TTN: variants seen among roughly 807,000 people sequenced by gnomAD.
TTN encodes the protein titin.
A neutral mutation model predicts 3,223.0 loss-of-function variants in TTN; 1,525 were observed. The ratio of observed to expected loss-of-function variants is 0.47; its 90% CI spans 0.45 to 0.49. The LOEUF is 0.49. Among genes scored for constraint, TTN ranks in the 20% least tolerant of loss-of-function variants. TTN has a pLI of 0.00. For synonymous variants in TTN, 14,094 were observed against 15,161.0 expected, an observed-to-expected ratio of 0.93 and a Z score of 5.17; for missense variants, 40,786 against 43,424.0, an observed-to-expected ratio of 0.94 and a Z score of 5.40.
intron 354 of TTN, chr2:178,538,218 G>T: frequency 2.2e-6 from 1 of 463,830 alleles, no homozygotes. Context: ...TAGTATTCTT[G>T]CCCTTACTTA....
At chr2:178,747,879 G>C in intron 47 of TTN, 1 of 1,613,070 alleles carries the variant, frequency 6.2e-7, no homozygotes, top group South Asian at 1.1e-5. Context: ...CCTGGATTCT[G>C]TTGTTCTTCA....
In TTN at chr2:178,548,481, G is replaced by A; in HGVS notation, c.93145C>T (p.His31049Tyr). 1 of 1,613,704 alleles carries A rather than the reference G, an allele frequency of 6.2e-7. No homozygotes were observed. The highest frequency in any genetic ancestry group is 1.1e-5 in the South Asian group (1 of 91,072). Residue 31049 changes from histidine to tyrosine, a missense_variant, in exon 339 of 363, where the codon CAT becomes TAT. Physicochemically the swap from His to Tyr is moderately conservative, Grantham distance 83. Coordinates refer to ENST00000589042, the MANE Select transcript of TTN (RefSeq NM_001267550.2). The surrounding 1 kb of genome is among the most constrained non-coding windows in gnomAD (Gnocchi z 4.3). Reference sequence around the variant, plus strand: ...TCTCGTTTCTCTACCACATAATGATGGATTCGGGCACCACCGTCAAGAAGA... The same window carrying A: ...TCTCGTTTCTCTACCACATAATGATAGATTCGGGCACCACCGTCAAGAAGA... ...APLLDGGARIHHYVVEKREAS... is the reference protein window; with the variant it reads ...APLLDGGARIYHYVVEKREAS...
rs1246585720 is a variant in TTN at position 178,569,556 on chromosome 2, C to T, written c.76576G>A (p.Gly25526Ser). 1 of 1,613,042 alleles carries T rather than the reference C, an allele frequency of 6.2e-7. No homozygotes were observed. The highest frequency in any genetic ancestry group is 1.1e-5 in the South Asian group (1 of 91,020). Residue 25526 changes from glycine to serine, a missense_variant, in exon 326 of 363, where the codon GGC becomes AGC. Coordinates refer to ENST00000589042, the MANE Select transcript of TTN (RefSeq NM_001267550.2). ...ATAGGAACAAATAACCTTAAGGAGC[C>T]ACCTGCCCTTATATTTATGATTTTC... is the stretch of plus-strand genomic sequence containing the variant. Reference protein sequence around the residue: ...LRKIINIRAGGSLRLFVPIKG... With the variant: ...LRKIINIRAGSSLRLFVPIKG...
Position 178,567,458 on chromosome 2 carries a change from A to G in TTN, c.78674T>C (p.Ile26225Thr), listed in dbSNP as rs12463674. The G allele has an allele frequency of 0.28, 449,606 of 1,612,278 alleles. 68,232 individuals are homozygous for G. Among genetic ancestry groups the G allele is most frequent in the Non-Finnish European group, 0.31 (368,224 of 1,179,022 alleles). The change falls in exon 326 of 363, where the codon ATT becomes ACT. Residue 26225 changes from isoleucine (I) to threonine (T), a missense_variant. Coordinates refer to ENST00000589042, the MANE Select transcript of TTN (RefSeq NM_001267550.2). ...TTCCTTATCTCCTCTTAACCACTCA[A>G]TGGTAGGTAGGGGCTTTCCATGGAC... ...ADVHGKPLPT[I>T]EWLRGDKEIE...
In TTN at chr2:178,746,536, A is replaced by C. The variant is rs375860672; in HGVS notation, c.11312-4615T>G. ...CCAAATCAAACTCCATGACATGCTG[A>C]TGTGTTACTGGAGGTGGTAGTGCCA... On this transcript the variant is annotated intron_variant, in intron 47 of 362. Transcript: ENST00000589042. 8 of 1,613,098 alleles carry C rather than the reference A, an allele frequency of 5.0e-6. No homozygotes were observed. In the South Asian group the frequency reaches 7.7e-5, roughly 15 times the overall value.
intron 220 of TTN, among the ~76,000 whole-genome samples, chr2:178,640,909 A>G (rs532873585): frequency 6.6e-6 from 1 of 152,058 alleles, no homozygotes; most frequent in South Asian, 2.1e-4. Context: ...GCTAATGATA[A>G]AAACCAACCC....
Position 178,715,673 on chromosome 2 carries a change from C to A in TTN, c.25741G>T (p.Val8581Phe). 6.2e-7 allele frequency: 1 copy of A among 1,612,640 alleles called. No individual in the cohort carries two copies. Among genetic ancestry groups the A allele is most frequent in the Non-Finnish European group, 8.5e-7 (1 of 1,179,254 alleles). Residue 8581 changes from valine to phenylalanine, a missense_variant, in exon 89 of 363, where the codon GTT (valine) becomes TTT (phenylalanine). Coordinates refer to ENST00000589042, the MANE Select transcript of TTN (RefSeq NM_001267550.2). ...CKIGGSPEIK[V>F]LWYKDETEIQ... is the part of the protein sequence containing the mutation. ...TCAGTCTCGTCCTTATACCATAAAA[C>A]TTTGATTTCTGGAGACCCACCGATT...
Position 178,774,996 on chromosome 2 carries a change from A to C in TTN, c.6715T>G (p.Ser2239Ala). The C allele has an allele frequency of 6.2e-7, 1 of 1,614,036 alleles. No individual in the cohort carries two copies. Among genetic ancestry groups the C allele is most frequent in the Non-Finnish European group, 8.5e-7 (1 of 1,179,954 alleles). Residue 2239 changes from serine to alanine, a missense_variant, in exon 29 of 363, where the codon TCT becomes GCT. Physicochemically the swap from Ser to Ala is moderately conservative, Grantham distance 99. Transcript: ENST00000589042. The stretch of plus-strand genomic sequence containing the variant: ...ACACAGCTGTAATCTTCAGCATCAG[A>C]CGTATCAATGGTCAGTATGGAGAGG... ...HFLSILTIDT[S>A]DAEDYSCVLV...
chr2:178,682,759 T>C lies in TTN; in HGVS notation c.33032A>G (p.Gln11011Arg). The C allele has an allele frequency of 1.2e-6, 2 of 1,613,140 alleles. No individual in the cohort carries two copies. Among genetic ancestry groups the C allele is most frequent in the East Asian group, 2.2e-5 (1 of 44,834 alleles). ...EEYEPTEEYD[Q>R]YEEYEEREYE... ...CTCCCGCTCCTCGTATTCTTCATAT[T>C]GGTCATATTCTTCTGTTGGTTCATA... Residue 11011 changes from glutamine to arginine, a missense_variant, in exon 135 of 363, where the codon CAA becomes CGA. Transcript: ENST00000589042.
In TTN at chr2:178,568,750, C is replaced by T. The variant is rs1553599772; in HGVS notation, c.77382G>A (p.Leu25794=). The part of the protein sequence containing the change: ...SLAVPIVAKD[L]VIEPDVKPAF... ...CAGGTTTTACATCTGGCTCAATTAC[C>T]AGATCTTTGGCAACTATTGGAACTG... is the stretch of plus-strand genomic sequence containing the variant. The change falls in exon 326 of 363, where the codon CTG becomes CTA. Residue 25794 remains leucine, a synonymous_variant. Transcript: ENST00000589042. The T allele has an allele frequency of 1.2e-6, 2 of 1,612,764 alleles. No homozygotes were observed. Among genetic ancestry groups the T allele is most frequent in the Admixed American group, 3.3e-5 (2 of 59,904 alleles).
chr2:178,679,468 C>T, intron 141 of TTN, 52 bp from the exon 142 acceptor site: 1 of 1,594,718 alleles, frequency 6.3e-7, no homozygotes, highest in Non-Finnish European at 8.6e-7. Context: ...ACAACACATC[C>T]ATATAAAACA....
chr2:178,727,183 T>C lies in TTN; in HGVS notation c.20182A>G (p.Asn6728Asp), dbSNP rs969621252. The C allele has an allele frequency of 1.1e-5, 18 of 1,613,172 alleles. No individual in the cohort carries two copies. The highest frequency in any genetic ancestry group is 1.1e-5 in the South Asian group (1 of 91,022). The stretch of plus-strand genomic sequence containing the variant: ...CCACTGTCCTCAGTACTGAGATTGT[T>C]CATCTGTATGACGGCCACTGAGTCA... ...FIDSVAVIQM[N>D]NLSTEDSGDF... Residue 6728 changes from asparagine (N) to aspartate (D), a missense_variant, in exon 69 of 363, where the codon AAC becomes GAC. By Grantham distance (23) the Asn-to-Asp change is conservative (BLOSUM62 1). Coordinates refer to ENST00000589042, the MANE Select transcript of TTN (RefSeq NM_001267550.2).
Position 178,556,877 on chromosome 2 carries a change from A to C in TTN, c.88277T>G (p.Val29426Gly). 6.2e-7 allele frequency: 1 copy of C among 1,613,800 alleles called. No individual in the cohort carries two copies. Among genetic ancestry groups the C allele is most frequent in the Admixed American group, 1.7e-5 (1 of 60,018 alleles). ...VGSISNPSEV[V>G]GPITCIDSYG... ...AGAATCGATGCAAGTAATGGGCCCT[A>C]CAACCTCAGATGGATTGCTAATGGA... is the stretch of plus-strand genomic sequence containing the variant. Residue 29426 changes from valine (V) to glycine (G), a missense_variant, in exon 330 of 363, where the codon GTA (valine) becomes GGA (glycine). By Grantham distance (109) the Val-to-Gly change is moderately radical. Coordinates refer to ENST00000589042, the MANE Select transcript of TTN (RefSeq NM_001267550.2).
At position 178,575,636 on chromosome 2, in the gene TTN, A is replaced by G; in HGVS notation, c.70496T>C (p.Leu23499Ser). Reference protein sequence around the residue: ...CHKCTYKVTGLSEGCEYFFRV... With the variant: ...CHKCTYKVTGSSEGCEYFFRV... ...GAAGAAATATTCACACCCTTCAGAC[A>G]AGCCGGTAACTTTATATGTGCATTT... The change falls in exon 326 of 363, where the codon TTG (leucine) becomes TCG (serine). Residue 23499 changes from leucine (L) to serine (S), a missense_variant. Physicochemically the swap from Leu to Ser is moderately radical, Grantham distance 145. Transcript: ENST00000589042. The surrounding 1 kb of genome is among the most constrained non-coding windows in gnomAD (Gnocchi z 4.0). 6.2e-7 allele frequency: 1 copy of G among 1,613,634 alleles called. No homozygotes were observed. Among genetic ancestry groups the G allele is most frequent in the Non-Finnish European group, 8.5e-7 (1 of 1,179,650 alleles).
At chr2:178,545,326 G>T in intron 344 of TTN, 62 bp downstream of exon 344, 1 of 1,426,966 alleles carries the variant, frequency 7.0e-7, no homozygotes, top group Non-Finnish European at 9.3e-7. Flanking sequence ...TTGTGTGTTG[G>T]AAAATTATCT....
rs1262830472 is a variant in TTN, at chr2:178,607,770, A to G, written c.53002+15T>C. On this transcript the variant is annotated intron_variant, in intron 276 of 362. Transcript: ENST00000589042. The stretch of plus-strand genomic sequence containing the variant: ...GAGAAAATATCCATAATTTTATTCC[A>G]ATAACGTTAAGTACCTTGTGGTTCA... The G allele has an allele frequency of 6.2e-7, 1 of 1,612,512 alleles. No individual in the cohort carries two copies. Among genetic ancestry groups the G allele is most frequent in the South Asian group, 1.1e-5 (1 of 90,986 alleles).
Position 178,731,898 on chromosome 2 carries a change from C to A in TTN, c.16977G>T (p.Glu5659Asp). The A allele has an allele frequency of 6.2e-7, 1 of 1,613,714 alleles. No individual in the cohort carries two copies. Among genetic ancestry groups the A allele is most frequent in the South Asian group, 1.1e-5 (1 of 91,062 alleles). The change falls in exon 58 of 363, where the codon GAG becomes GAT. Residue 5659 changes from glutamate to aspartate, a missense_variant. Coordinates refer to ENST00000589042, the MANE Select transcript of TTN (RefSeq NM_001267550.2). ...LKEYDVMLLA[E>D]VAGTPPFEIT... ...TCTCAAAGGGAGGAGTGCCTGCCAC[C>A]TCAGCCAGCAACATGACATCGTACT...
rs773662497 is a variant in TTN at position 178,557,561 on chromosome 2, A to G, written c.87707-6T>C. ...AGATGGTGGTCCAGGTGTTGCTACA[A>G]AAGAGAGAAATCCTATAGATTAGTA... On this transcript the variant is annotated splice_polypyrimidine_tract_variant and splice_region_variant and intron_variant, in intron 328 of 362. Coordinates refer to ENST00000589042, the MANE Select transcript of TTN (RefSeq NM_001267550.2). 1 of 1,613,792 alleles carries G rather than the reference A, an allele frequency of 6.2e-7. No homozygotes were observed. Among genetic ancestry groups the G allele is most frequent in the Non-Finnish European group, 8.5e-7 (1 of 1,179,812 alleles).
At chr2:178,722,191 C>CTTT in intron 77 of TTN, 57 bp from the exon 78 acceptor site, 1 of 1,527,898 alleles carries the variant, frequency 6.5e-7, no homozygotes, top group Non-Finnish European at 8.8e-7. Context: ...TGCCATTGGT[C>CTTT]GTTTCTACTT....
Sources: gnomAD v4.1 joint callset for allele counts (sites outside exome capture counted in the v4.1 genomes callset) on GRCh38, gnomAD v4.1.1 for gene constraint, Gnocchi (gnomAD v3.1) non-coding constraint, MANE v1.5 for transcripts, NCBI Gene and HGNC (gene_info 2026-07-23, HGNC 2026-07-21) for gene names.